The following CHD6 variants were observed in gnomAD, a reference collection of about 807,000 sequenced individuals.
CHD6 encodes the protein chromodomain helicase DNA binding protein 6, also known as ATP-dependent chromatin remodeler CHD6.
CHD6 carries 50 observed loss-of-function variants against 276.9 expected under a neutral mutation model. The ratio of observed to expected loss-of-function variants is 0.18; its 90% confidence interval spans 0.14 to 0.23. The LOEUF (loss-of-function observed/expected upper bound fraction) is 0.23. Ranked by LOEUF, CHD6 falls within the 10% of genes least tolerant of loss-of-function variation. The pLI is 1.00. For missense variants in CHD6, 2,564 were observed against 3,365.8 expected, an observed-to-expected ratio of 0.76 and a Z score of 5.89; for synonymous variants, 1,173 against 1,229.3, an observed-to-expected ratio of 0.95 and a Z score of 0.96.
chr20:41,444,165 C>T (rs933431581), intron 25 of CHD6, among the ~76,000 whole-genome samples: 1 of 152,134 alleles, frequency 6.6e-6, no homozygotes, highest in African/African-American at 2.4e-5. Flanking sequence ...TGGGGTCCTT[C>T]CAAAACTAGG....
chr20:41,521,373 T>C (rs1157671267), intron 3 of CHD6, among the ~76,000 whole-genome samples: 2 of 152,124 alleles, frequency 1.3e-5, no homozygotes, highest in East Asian at 3.8e-4. Context: ...AGATGTGGCA[T>C]AGGATTAAGC....
At chr20:41,581,384 T>A (rs2045537546) in intron 1 of CHD6, among the ~76,000 whole-genome samples, 1 of 152,046 alleles carries the variant, frequency 6.6e-6, no homozygotes, top group Admixed American at 6.6e-5. Context: ...TGAAATAATA[T>A]CACCATTATC....
At chr20:41,599,144 T>G (rs951420296) in intron 1 of CHD6, among the ~76,000 whole-genome samples, 1 of 152,240 alleles carries the variant, frequency 6.6e-6, no homozygotes, top group East Asian at 1.9e-4. Flanking sequence ...TCAATTATAC[T>G]AGGGATGCCA....
chr20:41,405,395 T>C lies in CHD6; in HGVS notation c.7346A>G (p.Glu2449Gly). ...PRRRGRRPRS[E>G]LLKAPSIVAD... ...CACAATGGAAGGAGCCTTCAGGAGT[T>C]CGCTCCGAGGCCGCCTCCCCCTCCT... Residue 2449 changes from glutamate to glycine, a missense_variant, in exon 37 of 37, where the codon GAA (glutamate) becomes GGA (glycine). Physicochemically the swap from Glu to Gly is moderately conservative, Grantham distance 98. This residue lies in a region of CHD6 where 1,024 missense variants were observed against 1,047.9 expected (regional missense o/e 0.98). Coordinates refer to ENST00000373233, the MANE Select transcript of CHD6 (RefSeq NM_032221.5). 6.2e-7 allele frequency: 1 copy of C among 1,614,040 alleles called. No individual in the cohort carries two copies. The highest frequency in any genetic ancestry group is 8.5e-7 in the Non-Finnish European group (1 of 1,179,896).
intron 17 of CHD6, among the ~76,000 whole-genome samples, chr20:41,471,542 T>A (rs946281631): frequency 5.9e-5 from 3 of 50,704 alleles, no homozygotes; most frequent in Non-Finnish European, 9.3e-5. Context: ...TATTTTCAGT[T>A]TTTTTTTTTT....
intron 17 of CHD6, among the ~76,000 whole-genome samples, chr20:41,461,047 T>C (rs780244084): frequency 7.2e-5 from 11 of 152,230 alleles, no homozygotes; most frequent in Non-Finnish European, 1.2e-4. Context: ...TTTTGGAGCC[T>C]TAAAATTTCA....
In CHD6 at chr20:41,421,552, C is replaced by A; in HGVS notation, c.5083G>T (p.Asp1695Tyr). 6.2e-7 allele frequency: 1 copy of A among 1,612,904 alleles called. No homozygotes were observed. Among genetic ancestry groups the A allele is most frequent in the Non-Finnish European group, 8.5e-7 (1 of 1,179,464 alleles). ...AAGGACTCAGGCAGCAGACTTTCATCATGGTTGATGGAAATGACATCCTGA... is the reference window on the plus strand; with the variant it reads ...AAGGACTCAGGCAGCAGACTTTCATAATGGTTGATGGAAATGACATCCTGA... ...KVQDVISINH[D>Y]ESLLPESLES... is the part of the protein sequence containing the mutation. The change falls in exon 31 of 37, where the codon GAT becomes TAT. Residue 1695 changes from aspartate (D) to tyrosine (Y), a missense_variant. Physicochemically the swap from Asp to Tyr is radical, Grantham distance 160. Coordinates refer to ENST00000373233, the MANE Select transcript of CHD6 (RefSeq NM_032221.5).
intron 1 of CHD6, among the ~76,000 whole-genome samples, chr20:41,596,270 G>A (rs1157145561): frequency 3.3e-5 from 5 of 152,106 alleles, no homozygotes; most frequent in African/African-American, 7.2e-5. Context: ...GAAGTGCCAC[G>A]TGGAGGAATG....
chr20:41,582,975 G>C (rs1332910180), intron 1 of CHD6, among the ~76,000 whole-genome samples: 1 of 152,044 alleles, frequency 6.6e-6, no homozygotes, highest in Non-Finnish European at 1.5e-5. Context: ...AACACAGAAA[G>C]AAGGCTGGAG....
chr20:41,564,045 A>C (rs748423801), intron 1 of CHD6: 2 of 779,572 alleles, frequency 2.6e-6, no homozygotes, highest in South Asian at 2.7e-5. Context: ...CTGGGTTCTG[A>C]ACACAAGCGT....
intron 27 of CHD6, among the ~76,000 whole-genome samples, chr20:41,436,614 C>T (rs968513498): frequency 2.0e-5 from 3 of 152,138 alleles, no homozygotes; most frequent in Non-Finnish European, 4.4e-5. Context: ...AACCCATATG[C>T]CCTTCAGTGG....
At chr20:41,603,703 T>C (rs565448192) in intron 1 of CHD6, among the ~76,000 whole-genome samples, 1 of 152,114 alleles carries the variant, frequency 6.6e-6, no homozygotes, top group African/African-American at 2.4e-5. Flanking sequence ...CTGTCTCTAC[T>C]AAAATACAAA....
At chr20:41,616,342 A>T (rs2045934520) in intron 1 of CHD6, among the ~76,000 whole-genome samples, 1 of 152,254 alleles carries the variant, frequency 6.6e-6, no homozygotes, top group African/African-American at 2.4e-5. Flanking sequence ...AAATGTGAAA[A>T]GCAAAGAAAT....
intron 2 of CHD6, among the ~76,000 whole-genome samples, chr20:41,534,403 G>A (rs1243157227): frequency 1.3e-5 from 2 of 152,206 alleles, no homozygotes; most frequent in Admixed American, 6.5e-5. Flanking sequence ...CCTTCAGTAT[G>A]CTGGTTACCC....
chr20:41,460,006 C>CTGAA (rs1435716777), intron 17 of CHD6, among the ~76,000 whole-genome samples: 5 of 152,208 alleles, frequency 3.3e-5, no homozygotes. Flanking sequence ...AAGGTCCAGG[C>CTGAA]TGAAGTGGTC....
intron 23 of CHD6, among the ~76,000 whole-genome samples, chr20:41,448,788 A>C (rs2048147511): frequency 6.6e-6 from 1 of 152,190 alleles, no homozygotes; most frequent in African/African-American, 2.4e-5. Flanking sequence ...CTGTGGGCTC[A>C]AGTTGTAGGT....
At chr20:41,514,608 A>G (rs1413988208) in intron 4 of CHD6, among the ~76,000 whole-genome samples, 197 bp downstream of exon 4, 1 of 152,124 alleles carries the variant, frequency 6.6e-6, no homozygotes, top group Non-Finnish European at 1.5e-5. Context: ...CCACTAAAAA[A>G]CTGGGATATC....
chr20:41,438,022 A>T (rs2047771590), intron 26 of CHD6, among the ~76,000 whole-genome samples: 1 of 152,210 alleles, frequency 6.6e-6, no homozygotes, highest in South Asian at 2.1e-4. Flanking sequence ...TGTGACTCTG[A>T]TAAAAGAACA....
At chr20:41,618,315 A>G (rs2045956624) in intron 1 of CHD6, 25 bp downstream of exon 1, 1 of 151,652 alleles carries the variant, frequency 6.6e-6, no homozygotes, top group African/African-American at 2.4e-5. Context: ...AGGGAGGAAA[A>G]TAAAAAGTTA....
Sources: gnomAD v4.1 joint callset for allele counts (sites outside exome capture counted in the v4.1 genomes callset) on GRCh38, gnomAD v4.1.1 for gene constraint, gnomAD v4.1.1 regional missense constraint, MANE v1.5 for transcripts, NCBI Gene and HGNC (gene_info 2026-07-23, HGNC 2026-07-21) for gene names.